The following SEC23IP variants were observed in gnomAD, a reference collection of about 807,000 sequenced individuals.
The protein encoded by SEC23IP is SEC23 interacting protein.
A neutral mutation model predicts 113.4 loss-of-function variants in SEC23IP; 70 were observed. That is an observed-to-expected ratio of 0.62 (90% CI 0.51 to 0.75). The LOEUF is 0.75. Ranked by LOEUF, SEC23IP falls within the 30% of genes least tolerant of loss-of-function variation. The pLI is 0.00. For synonymous variants in SEC23IP, 398 were observed against 421.0 expected, an observed-to-expected ratio of 0.95 and a Z score of 0.67; for missense variants, 1,160 against 1,204.9, an observed-to-expected ratio of 0.96 and a Z score of 0.55.
At chr10:119,924,443 C>G (rs887264483) in intron 12 of SEC23IP, among the ~76,000 whole-genome samples, 1 of 150,422 alleles carries the variant, frequency 6.6e-6, no homozygotes, top group Non-Finnish European at 1.5e-5. Flanking sequence ...TTTTTTGAGA[C>G]GGAGTCCCGC....
Position 119,923,615 on chromosome 10 carries a change from C to G in SEC23IP, c.2122-2421C>G, listed in dbSNP as rs185087359. The stretch of plus-strand genomic sequence containing the variant: ...CCAGGCTGGAGTGCAGTGGCACGAT[C>G]TCGGCTCACTGCAACCTCTGCCTCC... On this transcript the variant is annotated intron_variant, in intron 12 of 18. Transcript: ENST00000369075. Among the ~76,000 whole-genome samples, 803 of 150,044 alleles carry G rather than the reference C, an allele frequency of 5.4e-3. 11 individuals are homozygous for G. Among genetic ancestry groups the G allele is most frequent in the African/African-American group, 0.019 (777 of 40,874 alleles).
intron 2 of SEC23IP, among the ~76,000 whole-genome samples, chr10:119,901,047 G>GT (rs1284286816): frequency 7.8e-6 from 1 of 128,292 alleles, no homozygotes; most frequent in Non-Finnish European, 1.7e-5. Context: ...TAAAGAGTGG[G>GT]GGGGGGGTCT....
intron 8 of SEC23IP, among the ~76,000 whole-genome samples, chr10:119,916,399 CA>C (rs1367586173): frequency 6.6e-6 from 1 of 152,160 alleles, no homozygotes; most frequent in Non-Finnish European, 1.5e-5. Flanking sequence ...GGCACTGTGA[CA>C]ATTAAAAATA....
chr10:119,904,338 T>G (rs1696005871), intron 4 of SEC23IP, 61 bp downstream of exon 4: 1 of 1,402,150 alleles, frequency 7.1e-7, no homozygotes, highest in Admixed American at 1.7e-5. Flanking sequence ...TATACATTGG[T>G]GAGTAACATC....
chr10:119,910,378 A>G (rs927314584), intron 5 of SEC23IP, among the ~76,000 whole-genome samples: 5 of 152,186 alleles, frequency 3.3e-5, no homozygotes, highest in Non-Finnish European at 7.3e-5. Context: ...CTCACCTGCA[A>G]TAATGATCTC....
rs1855529784 is a variant in SEC23IP, at chr10:119,929,669, A to G, written c.2376A>G (p.Pro792=). The G allele has an allele frequency of 6.2e-7, 1 of 1,607,348 alleles. No individual in the cohort carries two copies. Among genetic ancestry groups the G allele is most frequent in the Non-Finnish European group, 8.5e-7 (1 of 1,173,842 alleles). Residue 792 remains proline (P), a synonymous_variant, in exon 14 of 19, where the codon CCA becomes CCG. Transcript: ENST00000369075. The part of the protein sequence containing the change: ...EPEIFFALGS[P]IAMFLTIRGV... Reference sequence around the variant, plus strand: ...AGATATTCTTTGCCTTGGGGTCTCCAATTGCTATGTTTCTCACTATTCGAG... The same window carrying G: ...AGATATTCTTTGCCTTGGGGTCTCCGATTGCTATGTTTCTCACTATTCGAG...
At chr10:119,939,788 C>T (rs1281319934) in intron 18 of SEC23IP, among the ~76,000 whole-genome samples, 1 of 152,132 alleles carries the variant, frequency 6.6e-6, no homozygotes, top group Non-Finnish European at 1.5e-5. Flanking sequence ...CTCTGACTCC[C>T]AGGCTCAAGC....
intron 18 of SEC23IP, among the ~76,000 whole-genome samples, chr10:119,934,513 A>G (rs2095521190): frequency 6.6e-6 from 1 of 152,232 alleles, no homozygotes; most frequent in African/African-American, 2.4e-5. Flanking sequence ...CACACTCTGT[A>G]TTCCTAACTG....
intron 5 of SEC23IP, among the ~76,000 whole-genome samples, chr10:119,911,248 G>T (rs1230799066): frequency 1.3e-5 from 2 of 151,254 alleles, no homozygotes; most frequent in African/African-American, 4.8e-5. Flanking sequence ...TCAATTGCAG[G>T]TTACTTGTCC....
At position 119,941,639 on chromosome 10, in the gene SEC23IP, G is replaced by A. The variant is rs935633094; in HGVS notation, c.*1074G>A. On this transcript the variant is annotated 3_prime_UTR_variant, in exon 19 of 19. Coordinates refer to ENST00000369075, the MANE Select transcript of SEC23IP (RefSeq NM_007190.4). The stretch of plus-strand genomic sequence containing the variant: ...GTTTACATAGTTCTCATGGAACATG[G>A]AAATTTTTGAAAGTGATATATGATA... 3.3e-5 allele frequency: 5 copies of A among 152,754 alleles called. No homozygotes were observed. The highest frequency in any genetic ancestry group is 2.0e-4 in the Admixed American group (3 of 15,306). 9.5% of individuals were successfully genotyped at this position (152,754 alleles called of 1,614,324 possible). A position where few individuals can be genotyped will look rare whatever the true frequency, so the allele number is the denominator to read the frequency against.
In SEC23IP at chr10:119,930,534, T is replaced by C. The variant is rs1855563314; in HGVS notation, c.2572+103T>C. 2.0e-5 allele frequency: 12 copies of C among 615,358 alleles called. No individual in the cohort carries two copies. In the South Asian group the frequency reaches 2.5e-4, roughly 13 times the overall value. The allele number at this position is 615,358 out of a possible 1,614,324, so 38.1% of individuals were successfully genotyped here. On this transcript the variant is annotated intron_variant, in intron 15 of 18. Transcript: ENST00000369075. ...ATCGTCTCTGAGAGAATTAATATTA[T>C]TTAAGTGCCTACTATGTTCAGAACT... is the stretch of plus-strand genomic sequence containing the variant.
chr10:119,899,045 C>A, intron 2 of SEC23IP, 86 bp downstream of exon 2: 1 of 1,149,138 alleles, frequency 8.7e-7, no homozygotes, highest in Non-Finnish European at 1.2e-6. Context: ...CATTTCACAT[C>A]TTATAATCAA....
At chr10:119,926,321 A>G in intron 13 of SEC23IP, 94 bp downstream of exon 13, 3 of 1,266,516 alleles carry the variant, frequency 2.4e-6, no homozygotes, top group Non-Finnish European at 3.2e-6. Flanking sequence ...ATATTTATTT[A>G]ACATTTATTT....
rs398046283 is a variant in SEC23IP, at chr10:119,915,726, CTTTT to C, written c.1403-13_1403-10del. The C allele has an allele frequency of 1.7e-6, 2 of 1,155,986 alleles. No homozygotes were observed. The highest frequency in any genetic ancestry group is 1.8e-5 in the South Asian group (1 of 55,324). 71.6% of individuals were successfully genotyped at this position (1,155,986 alleles called of 1,614,324 possible). On this transcript the variant is annotated intron_variant, in intron 7 of 18. Coordinates refer to ENST00000369075, the MANE Select transcript of SEC23IP (RefSeq NM_007190.4). ...GCTAGGAGAATTTAATTTATTTTCT[CTTTT>C]TTTTTTTTCTTTTGAAGTGGATGAT...
rs1289237000 is a variant in SEC23IP at position 119,898,562 on chromosome 10, C to G, written c.299C>G (p.Pro100Arg). 1 of 1,614,204 alleles carries G rather than the reference C, an allele frequency of 6.2e-7. No individual in the cohort carries two copies. Among genetic ancestry groups the G allele is most frequent in the Admixed American group, 1.7e-5 (1 of 60,020 alleles). Residue 100 changes from proline to arginine, a missense_variant, in exon 2 of 19, where the codon CCA becomes CGA. Transcript: ENST00000369075. ...SDPFGNIGQS[P>R]LTTAATSVGQ... ...CCTTTTGGGAATATTGGACAGTCAC[C>G]ATTAACAACTGCAGCAACCTCAGTT...
intron 13 of SEC23IP, among the ~76,000 whole-genome samples, chr10:119,929,381 A>G (rs188360439): frequency 2.6e-5 from 4 of 152,186 alleles, no homozygotes; most frequent in Non-Finnish European, 5.9e-5. Context: ...CTACAGGCGC[A>G]TGCCACCATG....
chr10:119,895,570 A>G (rs1160359330), intron 1 of SEC23IP, among the ~76,000 whole-genome samples: 5 of 152,202 alleles, frequency 3.3e-5, no homozygotes, highest in African/African-American at 9.7e-5. Context: ...ATAGATGGCT[A>G]TGAATGCTAC....
chr10:119,899,009 C>G (rs1220514737), intron 2 of SEC23IP, 50 bp downstream of exon 2: 1 of 1,395,830 alleles, frequency 7.2e-7, no homozygotes, highest in Non-Finnish European at 9.6e-7. Flanking sequence ...TGTCTTCTTT[C>G]TCACCTGAAC....
intron 8 of SEC23IP, 96 bp from the exon 9 acceptor site, chr10:119,917,740 A>T: frequency 1.2e-6 from 1 of 811,372 alleles, no homozygotes; most frequent in Non-Finnish European, 1.9e-6. Context: ...GGGTTTTCTT[A>T]GTGTATTTTC....
Sources: allele counts gnomAD v4.1 joint callset (sites outside exome capture counted in the v4.1 genomes callset), GRCh38; gene constraint gnomAD v4.1.1; transcripts MANE v1.5; gene names NCBI Gene and HGNC (gene_info 2026-07-23, HGNC 2026-07-21).